RERE: variants seen among roughly 807,000 people sequenced by gnomAD.
RERE encodes the protein arginine-glutamic acid dipeptide repeats, also known as arginine-glutamic acid dipeptide repeats protein.
RERE carries 40 observed loss-of-function variants against 146.1 expected under a neutral mutation model. The observed-to-expected ratio is 0.27, with a 90% CI of 0.21 to 0.36. The LOEUF is 0.36. RERE is among the 10% of genes least tolerant of loss of function. The pLI is 1.00. For synonymous variants in RERE, 1,003 were observed against 866.0 expected, an observed-to-expected ratio of 1.16 and a Z score of -2.78; for missense variants, 1,933 against 2,138.7, an observed-to-expected ratio of 0.90 and a Z score of 1.90.
chr1:8,805,582 G>A (rs1352500840), intron 1 of RERE, among the ~76,000 whole-genome samples: 1 of 151,082 alleles, frequency 6.6e-6, no homozygotes, highest in African/African-American at 2.4e-5. Flanking sequence ...CCCGGAGGCG[G>A]AGGTTGCAGT....
rs1245710311 is a variant in RERE, at chr1:8,361,425, G to A, written c.2082C>T (p.Asn694=). The part of the protein sequence containing the change: ...EGESSDSRSV[N]DEGSSDPKDI... The stretch of plus-strand genomic sequence containing the variant: ...CTTTGGGGTCACTGCTACCCTCATC[G>A]TTGACGCTGCGACTGTCTGAACTCT... The change falls in exon 18 of 23, where the codon AAC becomes AAT. Residue 694 remains asparagine, a synonymous_variant. Transcript: ENST00000400908. 4.3e-6 allele frequency: 7 copies of A among 1,613,720 alleles called. No homozygotes were observed. The highest frequency in any genetic ancestry group is 3.3e-5 in the Admixed American group (2 of 59,988).
At chr1:8,528,388 G>C (rs559075138) in intron 7 of RERE, among the ~76,000 whole-genome samples, 73 of 151,634 alleles carry the variant, frequency 4.8e-4, no homozygotes, top group African/African-American at 1.7e-3. Context: ...ATCTGAATAT[G>C]AACTATATTG....
At chr1:8,635,469 G>A (rs766534350) in intron 2 of RERE, among the ~76,000 whole-genome samples, 23 of 152,278 alleles carry the variant, frequency 1.5e-4, no homozygotes, top group African/African-American at 5.1e-4. Flanking sequence ...AGCCCTAAGA[G>A]GCTCTGGATG....
chr1:8,671,493 T>TC (rs1324353805), intron 1 of RERE, among the ~76,000 whole-genome samples: 1 of 151,990 alleles, frequency 6.6e-6, no homozygotes, highest in African/African-American at 2.4e-5. Flanking sequence ...TGGAAACACC[T>TC]CCCCCTGCTG....
chr1:8,536,772 C>T (rs1645732162), intron 7 of RERE, among the ~76,000 whole-genome samples: 1 of 152,158 alleles, frequency 6.6e-6, no homozygotes, highest in African/African-American at 2.4e-5. Context: ...AAACAAACTC[C>T]AAAAGCAAAG....
intron 10 of RERE, among the ~76,000 whole-genome samples, chr1:8,469,890 G>A (rs1644657577): frequency 6.6e-6 from 1 of 152,156 alleles, no homozygotes; most frequent in South Asian, 2.1e-4. Flanking sequence ...CCTGCACAAT[G>A]CCCCTCAGCT....
intron 11 of RERE, among the ~76,000 whole-genome samples, chr1:8,424,470 T>C (rs1292540756): frequency 2.0e-5 from 3 of 152,236 alleles, no homozygotes; most frequent in South Asian, 2.1e-4. Context: ...TGACTCATCA[T>C]TGTCAATTTT....
intron 13 of RERE, among the ~76,000 whole-genome samples, 153 bp downstream of exon 13, chr1:8,365,659 T>C (rs986351899): frequency 5.3e-5 from 8 of 152,194 alleles, no homozygotes; most frequent in African/African-American, 1.9e-4. Flanking sequence ...ACCATCGGTC[T>C]ATGTTTAGGT....
intron 10 of RERE, among the ~76,000 whole-genome samples, chr1:8,469,989 G>C (rs774686022): frequency 6.6e-6 from 1 of 152,146 alleles, no homozygotes; most frequent in Non-Finnish European, 1.5e-5. Context: ...CTTTATTTCA[G>C]ATGGCAGTTT....
chr1:8,711,705 T>C (rs1484936520), intron 1 of RERE, among the ~76,000 whole-genome samples: 1 of 152,182 alleles, frequency 6.6e-6, no homozygotes, highest in Non-Finnish European at 1.5e-5. Context: ...ACTGATGATA[T>C]ATGATAAAAT....
Position 8,364,276 on chromosome 1 carries a change from G to A in RERE, c.1541-21C>T, listed in dbSNP as rs374684376. The A allele has an allele frequency of 2.2e-5, 36 of 1,610,956 alleles. No homozygotes were observed. The African/African-American group carries it at 4.1e-4, about 19-fold the overall frequency. On this transcript the variant is annotated intron_variant, in intron 14 of 22. Transcript: ENST00000400908. This position sits in a 1 kb window ranked among gnomAD's most constrained non-coding sequence, Gnocchi z 5.1. ...GGAGGCTGTGTGAGGGAAGTGGTGG[G>A]GGCCAACCTTGGAAACCATCCCTCT...
intron 12 of RERE, among the ~76,000 whole-genome samples, chr1:8,374,460 A>T (rs945088940): frequency 6.6e-6 from 1 of 152,324 alleles, no homozygotes; most frequent in African/African-American, 2.4e-5. Flanking sequence ...GAACACTGTA[A>T]TGAGATTTCC....
chr1:8,674,258 C>T (rs1638784299), intron 1 of RERE, among the ~76,000 whole-genome samples: 1 of 151,846 alleles, frequency 6.6e-6, no homozygotes, highest in Non-Finnish European at 1.5e-5. Flanking sequence ...TTAACACAGG[C>T]CTGTTAAATA....
At chr1:8,804,603 G>A (rs557513645) in intron 1 of RERE, among the ~76,000 whole-genome samples, 55 of 152,222 alleles carry the variant, frequency 3.6e-4, no homozygotes, top group African/African-American at 1.3e-3. Flanking sequence ...TTGTGATTCC[G>A]TTATAATCGA....
chr1:8,737,322 GAA>G (rs1557513162), intron 1 of RERE, among the ~76,000 whole-genome samples: 5 of 152,166 alleles, frequency 3.3e-5, no homozygotes, highest in Admixed American at 3.3e-4. Context: ...AGAGAAAAAG[GAA>G]AATAACATTC....
intron 6 of RERE, among the ~76,000 whole-genome samples, chr1:8,556,058 T>C (rs947308620): frequency 2.6e-5 from 4 of 152,114 alleles, no homozygotes; most frequent in African/African-American, 9.7e-5. Context: ...GAATTAAATC[T>C]TTAGAAAGTA....
chr1:8,509,034 C>T (rs1645294720), intron 7 of RERE, among the ~76,000 whole-genome samples: 2 of 152,184 alleles, frequency 1.3e-5, no homozygotes, highest in African/African-American at 4.8e-5. Context: ...CCTGCCTCAG[C>T]CTCCAGAGTA....
intron 15 of RERE, chr1:8,363,852 T>C: frequency 1.7e-6 from 1 of 594,896 alleles, no homozygotes; most frequent in South Asian, 2.0e-5. Context: ...CAGAGCAGGA[T>C]GCCACCCTGG....
chr1:8,687,441 T>G (rs1639116208), intron 1 of RERE, among the ~76,000 whole-genome samples: 1 of 152,202 alleles, frequency 6.6e-6, no homozygotes, highest in African/African-American at 2.4e-5. Context: ...AGAAACTGCA[T>G]AAGTGAATGG....
Sources: gnomAD v4.1 joint callset for allele counts (sites outside exome capture counted in the v4.1 genomes callset) on GRCh38, gnomAD v4.1.1 for gene constraint, Gnocchi (gnomAD v3.1) non-coding constraint, MANE v1.5 for transcripts, NCBI Gene and HGNC (gene_info 2026-07-23, HGNC 2026-07-21) for gene names.